The following RASAL2 variants were observed in gnomAD, a reference collection of about 807,000 sequenced individuals.
RASAL2 encodes ras GTPase-activating protein nGAP.
A neutral mutation model predicts 128.9 loss-of-function variants in RASAL2; 58 were observed. The ratio of observed to expected loss-of-function variants is 0.45; its 90% CI spans 0.36 to 0.56. The LOEUF (loss-of-function observed/expected upper bound fraction) is 0.56, where lower values mean the gene tolerates loss of function less well. RASAL2 is among the 20% of genes least tolerant of loss of function. The pLI is 0.00. For synonymous variants in RASAL2, 561 were observed against 580.8 expected, an observed-to-expected ratio of 0.97 and a Z score of 0.49; for missense variants, 1,360 against 1,601.6, an observed-to-expected ratio of 0.85 and a Z score of 2.57.
chr1:178,143,754 GT>G (rs5778975), intron 1 of RASAL2, among the ~76,000 whole-genome samples: 34,745 of 142,958 alleles, frequency 0.24, 4,857 homozygotes, highest in African/African-American at 0.41. Context: ...TATTGTTTGG[GT>G]TTTTTTTTTT....
At chr1:178,109,340 A>G (rs2102240252) in intron 1 of RASAL2, among the ~76,000 whole-genome samples, 1 of 152,136 alleles carries the variant, frequency 6.6e-6, no homozygotes, top group Middle Eastern at 3.4e-3. Context: ...GAAGTCAAGG[A>G]ATTCTCTTGC....
chr1:178,452,770 T>A, intron 11 of RASAL2, 118 bp downstream of exon 11: 2 of 782,180 alleles, frequency 2.6e-6, no homozygotes, highest in Non-Finnish European at 4.1e-6. Context: ...ACTGTGTTAT[T>A]AATAAATATA....
intron 1 of RASAL2, among the ~76,000 whole-genome samples, chr1:178,229,369 T>G (rs1663911917): frequency 6.6e-6 from 1 of 152,242 alleles, no homozygotes; most frequent in Non-Finnish European, 1.5e-5. Context: ...AATCATGCAT[T>G]GCTTTAAATT....
chr1:178,434,582 GGT>G (rs1262949897), intron 5 of RASAL2, among the ~76,000 whole-genome samples: 8 of 152,032 alleles, frequency 5.3e-5, no homozygotes, highest in African/African-American at 1.9e-4. Flanking sequence ...TAATGTGAGT[GGT>G]GTGGTACATA....
At chr1:178,370,731 G>T (rs1671657279) in intron 3 of RASAL2, among the ~76,000 whole-genome samples, 2 of 152,116 alleles carry the variant, frequency 1.3e-5, no homozygotes, top group African/African-American at 2.4e-5. Flanking sequence ...CCATCTAAGT[G>T]CCAAGCACTG....
intron 3 of RASAL2, among the ~76,000 whole-genome samples, chr1:178,327,771 T>G (rs1318612254): frequency 1.3e-5 from 2 of 152,014 alleles, no homozygotes; most frequent in African/African-American, 4.8e-5. Context: ...AGAGAAAAGG[T>G]CTTTGTAGGT....
intron 3 of RASAL2, among the ~76,000 whole-genome samples, chr1:178,376,056 A>G (rs1363218132): frequency 1.3e-5 from 2 of 152,104 alleles, no homozygotes; most frequent in Non-Finnish European, 2.9e-5. Context: ...GTGGGTGGAG[A>G]CAAAGAGGAG....
At chr1:178,395,629 T>C (rs1322080677) in intron 4 of RASAL2, among the ~76,000 whole-genome samples, 1 of 152,088 alleles carries the variant, frequency 6.6e-6, no homozygotes, top group Non-Finnish European at 1.5e-5. Flanking sequence ...CATTACTGTA[T>C]TCCAAGAGGA....
chr1:178,267,266 A>G (rs1211736690), intron 1 of RASAL2, among the ~76,000 whole-genome samples: 1 of 152,166 alleles, frequency 6.6e-6, no homozygotes, highest in Non-Finnish European at 1.5e-5. Context: ...TCCAAATAAT[A>G]TACATACACT....
intron 1 of RASAL2, among the ~76,000 whole-genome samples, chr1:178,131,811 C>T (rs1558071123): frequency 6.6e-6 from 1 of 151,972 alleles, no homozygotes; most frequent in Non-Finnish European, 1.5e-5. Context: ...GACCACAGAG[C>T]CTGAACTCTT....
chr1:178,452,126 C>T (rs1372006627), intron 10 of RASAL2, among the ~76,000 whole-genome samples: 1 of 152,116 alleles, frequency 6.6e-6, no homozygotes, highest in Admixed American at 6.6e-5. Context: ...GTGAGTTATA[C>T]TAAACCAGAT....
chr1:178,392,880 C>G (rs1168427372), intron 4 of RASAL2, among the ~76,000 whole-genome samples: 1 of 152,038 alleles, frequency 6.6e-6, no homozygotes, highest in East Asian at 1.9e-4. Flanking sequence ...AGCAGGGAAC[C>G]CTAAAAAACC....
In RASAL2 at chr1:178,171,140, G is replaced by A. The variant is rs1434481353; in HGVS notation, c.202+76446G>A. 2.6e-5 allele frequency among the ~76,000 whole-genome samples: 4 copies of A among 151,968 alleles called. No homozygotes were observed. In the South Asian group the frequency reaches 6.2e-4, roughly 24 times the overall value. On this transcript the variant is annotated intron_variant, in intron 1 of 17. Transcript: ENST00000367649. ...CAGAACGTATGGAGTATTTTTATCC[G>A]TATTATGTCTGTGCCATCCAAAAGT...
intron 4 of RASAL2, among the ~76,000 whole-genome samples, chr1:178,408,738 T>C (rs1409840105): frequency 1.3e-5 from 2 of 152,036 alleles, no homozygotes; most frequent in African/African-American, 2.4e-5. Flanking sequence ...ATAATACATA[T>C]GGGGAAAATA....
chr1:178,101,296 C>G (rs186856924), intron 1 of RASAL2, among the ~76,000 whole-genome samples: 28 of 152,276 alleles, frequency 1.8e-4, no homozygotes, highest in African/African-American at 6.5e-4. Context: ...CAGCTGGGTT[C>G]AGATATGAGC....
In RASAL2 at chr1:178,165,870, A is replaced by G. The variant is rs566601278; in HGVS notation, c.202+71176A>G. 9.9e-5 allele frequency among the ~76,000 whole-genome samples: 15 copies of G among 152,282 alleles called. No individual in the cohort carries two copies. In the East Asian group the frequency reaches 2.3e-3, roughly 23 times the overall value. ...TTGCCCTGCTCACTGTCTTTTAACC[A>G]TGACCAACATAAACCTAATACTTGG... On this transcript the variant is annotated intron_variant, in intron 1 of 17. Coordinates refer to ENST00000367649, the MANE Select transcript of RASAL2 (RefSeq NM_170692.4).
intron 1 of RASAL2, among the ~76,000 whole-genome samples, chr1:178,250,152 T>A (rs940116612): frequency 2.0e-5 from 3 of 152,178 alleles, no homozygotes; most frequent in African/African-American, 7.2e-5. Flanking sequence ...CTGGAACGTT[T>A]ATGTCTGCTG....
intron 8 of RASAL2, among the ~76,000 whole-genome samples, chr1:178,444,127 G>A (rs529218096): frequency 1.9e-4 from 29 of 152,156 alleles, no homozygotes; most frequent in Middle Eastern, 3.4e-3. Context: ...AGTTTGGAGC[G>A]AGGTGTCACT....
At chr1:178,276,867 G>A (rs1195160776) in intron 1 of RASAL2, among the ~76,000 whole-genome samples, 1 of 151,816 alleles carries the variant, frequency 6.6e-6, no homozygotes, top group East Asian at 1.9e-4. Context: ...ATAGCTTGTT[G>A]GCCGGGCACA....
Sources: gnomAD v4.1 joint callset for allele counts (sites outside exome capture counted in the v4.1 genomes callset) on GRCh38, gnomAD v4.1.1 for gene constraint, MANE v1.5 for transcripts, NCBI Gene and HGNC (gene_info 2026-07-23, HGNC 2026-07-21) for gene names.